The following UHRF1 variants were observed in gnomAD, a reference collection of about 807,000 sequenced individuals.
The protein encoded by UHRF1 is E3 ubiquitin-protein ligase UHRF1.
UHRF1 carries 9 observed loss-of-function variants against 96.5 expected under a neutral mutation model. That is an observed-to-expected ratio of 0.09 (90% CI 0.06 to 0.16). The LOEUF (loss-of-function observed/expected upper bound fraction) is 0.16, where lower values mean the gene tolerates loss of function less well. Among genes scored for constraint, UHRF1 ranks in the 10% least tolerant of loss-of-function variants. The probability of loss-of-function intolerance (pLI) is 1.00; values close to 1 mark genes in which losing one functional copy is unlikely to be tolerated. For missense variants in UHRF1, 626 were observed against 1,131.1 expected (o/e 0.55, Z 6.40); for synonymous variants, 455 against 469.9 (o/e 0.97, Z 0.41).
chr19:4,938,728 AG>A (rs1568421906), intron 5 of UHRF1, among the ~76,000 whole-genome samples: 2 of 53,656 alleles, frequency 3.7e-5, no homozygotes, highest in South Asian at 1.4e-3. Context: ...TGTTTTGGTC[AG>A]GTTTTTTTTT....
chr19:4,911,158 C>A, intron 2 of UHRF1, 120 bp downstream of exon 2: 1 of 973,126 alleles, frequency 1.0e-6, no homozygotes, highest in Non-Finnish European at 1.5e-6. Flanking sequence ...GGTCCCACTT[C>A]ATCTCTCCCG....
chr19:4,941,416 C>A, intron 5 of UHRF1, 112 bp from the exon 6 acceptor site: 2 of 751,222 alleles, frequency 2.7e-6, no homozygotes, highest in South Asian at 1.7e-5. Flanking sequence ...TGCTAGGGGG[C>A]GTAGCTGAGC....
intron 16 of UHRF1, among the ~76,000 whole-genome samples, 152 bp downstream of exon 16, chr19:4,956,965 G>T (rs971518879): frequency 2.0e-5 from 3 of 152,146 alleles, no homozygotes; most frequent in Non-Finnish European, 4.4e-5. Flanking sequence ...ACTGCTTTCT[G>T]GGCAGCCTGT....
chr19:4,929,182 T>G (rs1377190591), intron 2 of UHRF1, 40 bp from the exon 3 acceptor site: 2 of 1,586,490 alleles, frequency 1.3e-6, no homozygotes, highest in Non-Finnish European at 1.7e-6. Context: ...CCACTTGGCA[T>G]TTGGTGGCTA....
chr19:4,904,400 C>G (rs946384912), intron 1 of UHRF1, among the ~76,000 whole-genome samples: 9 of 152,094 alleles, frequency 5.9e-5, no homozygotes, highest in African/African-American at 2.2e-4. Context: ...AGGATGGTCT[C>G]AATCTCCTGA....
upstream of UHRF1, among the ~76,000 whole-genome samples, chr19:4,906,054 G>A (rs1240723241): frequency 1.3e-5 from 2 of 152,194 alleles, no homozygotes. Context: ...ATGGCTCACT[G>A]TTGCCTTGAT....
chr19:4,939,309 C>T (rs372116979), intron 5 of UHRF1, among the ~76,000 whole-genome samples: 24 of 150,764 alleles, frequency 1.6e-4, no homozygotes, highest in African/African-American at 5.4e-4. Context: ...ATACTCCTGC[C>T]TCAGCCTCCC....
intron 10 of UHRF1, among the ~76,000 whole-genome samples, chr19:4,946,885 A>G (rs2033581968): frequency 6.6e-6 from 1 of 151,608 alleles, no homozygotes; most frequent in African/African-American, 2.4e-5. Context: ...CCTCTGTTTA[A>G]GTTTCTTGAG....
At chr19:4,940,021 C>CAAAA (rs529825403) in intron 5 of UHRF1, among the ~76,000 whole-genome samples, 3 of 72,628 alleles carry the variant, frequency 4.1e-5, no homozygotes, top group African/African-American at 1.6e-4. Flanking sequence ...GAGACTGTCT[C>CAAAA]AAAAAAAAAA....
intron 15 of UHRF1, among the ~76,000 whole-genome samples, chr19:4,955,462 G>A (rs2033834276): frequency 6.6e-6 from 1 of 152,076 alleles, no homozygotes; most frequent in African/African-American, 2.4e-5. Flanking sequence ...CACCCAGGAT[G>A]CTTTCCCAGC....
chr19:4,941,399 C>T, intron 5 of UHRF1, 129 bp from the exon 6 acceptor site: 1 of 682,434 alleles, frequency 1.5e-6, no homozygotes, highest in Admixed American at 2.5e-5. Context: ...GTGAGTGCAG[C>T]TTTGATTGCT....
chr19:4,956,886 C>T (rs1475232697), intron 16 of UHRF1, 73 bp downstream of exon 16: 25 of 1,049,304 alleles, frequency 2.4e-5, no homozygotes, highest in Non-Finnish European at 3.6e-5. Flanking sequence ...TCCCACATGC[C>T]TGCCACTACA....
intron 2 of UHRF1, among the ~76,000 whole-genome samples, chr19:4,911,372 G>A (rs903508074): frequency 1.3e-5 from 2 of 152,140 alleles, no homozygotes; most frequent in Non-Finnish European, 2.9e-5. Context: ...AGGAATTTTC[G>A]AGAAAGGGCC....
At chr19:4,941,092 T>G (rs1239518369) in intron 5 of UHRF1, among the ~76,000 whole-genome samples, 4 of 139,008 alleles carry the variant, frequency 2.9e-5, no homozygotes, top group Admixed American at 7.2e-5. Flanking sequence ...TTTGTTTTTT[T>G]TTTTTTTTTT....
chr19:4,935,981 A>G (rs1312777456), intron 5 of UHRF1, among the ~76,000 whole-genome samples: 1 of 152,176 alleles, frequency 6.6e-6, no homozygotes, highest in Non-Finnish European at 1.5e-5. Flanking sequence ...ATTTCTGCAC[A>G]TTGACTGTCA....
chr19:4,926,793 A>G (rs1456085269), intron 2 of UHRF1, among the ~76,000 whole-genome samples: 1 of 151,674 alleles, frequency 6.6e-6, no homozygotes, highest in Admixed American at 6.6e-5. Flanking sequence ...GTCCGGGTGC[A>G]GTGGCTCACG....
intron 9 of UHRF1, 79 bp downstream of exon 9, chr19:4,944,529 C>A: frequency 6.6e-7 from 1 of 1,512,548 alleles, no homozygotes; most frequent in Non-Finnish European, 9.1e-7. Context: ...CTGGCTTTGG[C>A]CAGCCAGGGG....
chr19:4,930,602 G>A lies in UHRF1; in HGVS notation c.409-114G>A. On this transcript the variant is annotated intron_variant, in intron 3 of 16. Transcript: ENST00000650932. The surrounding 1 kb of genome is among the most constrained non-coding windows in gnomAD (Gnocchi z 4.4). ...GCCAGGGAGGAGAAACCTCGCTGTG[G>A]GCATTCGAGTTTGCGCCCTGGTTCC... 6.1e-6 allele frequency: 8 copies of A among 1,301,028 alleles called. No homozygotes were observed. Among genetic ancestry groups the A allele is most frequent in the Non-Finnish European group, 8.5e-6 (8 of 942,492 alleles). 80.6% of individuals were successfully genotyped at this position (1,301,028 alleles called of 1,614,324 possible).
intron 2 of UHRF1, among the ~76,000 whole-genome samples, chr19:4,914,191 CA>C (rs2032402479): frequency 6.6e-6 from 1 of 152,048 alleles, no homozygotes; most frequent in South Asian, 2.1e-4. Flanking sequence ...AGAGGTGATG[CA>C]GTTTCCCCAC....
Sources: gnomAD v4.1 joint callset for allele counts (sites outside exome capture counted in the v4.1 genomes callset) on GRCh38, gnomAD v4.1.1 for gene constraint, Gnocchi (gnomAD v3.1) non-coding constraint, MANE v1.5 for transcripts, NCBI Gene and HGNC (gene_info 2026-07-23, HGNC 2026-07-21) for gene names.